SAP130: variants seen among roughly 807,000 people sequenced by gnomAD.
SAP130 encodes the protein histone deacetylase complex subunit SAP130.
SAP130 carries 16 observed loss-of-function variants against 103.2 expected under a neutral mutation model. The observed-to-expected ratio is 0.16, with a 90% CI of 0.10 to 0.24. SAP130 has a LOEUF of 0.24. Among genes scored for constraint, SAP130 ranks in the 10% least tolerant of loss-of-function variants. SAP130 has a pLI of 1.00. For synonymous variants in SAP130, 477 were observed against 497.0 expected (o/e 0.96, Z 0.53); for missense variants, 990 against 1,359.7 (o/e 0.73, Z 4.28).
At chr2:128,018,755 C>T (rs1178957572) in intron 2 of SAP130, among the ~76,000 whole-genome samples, 3 of 151,294 alleles carry the variant, frequency 2.0e-5, no homozygotes, top group African/African-American at 7.3e-5. Flanking sequence ...CATGATTGTG[C>T]CACTGCACTC....
chr2:127,974,531 T>C (rs1236787119), intron 15 of SAP130, among the ~76,000 whole-genome samples: 1 of 152,146 alleles, frequency 6.6e-6, no homozygotes, highest in Admixed American at 6.6e-5. Flanking sequence ...TTATAATTTC[T>C]GGCCGGGCGC....
At chr2:127,997,533 G>T (rs765950472) in intron 10 of SAP130, among the ~76,000 whole-genome samples, 8 of 152,174 alleles carry the variant, frequency 5.3e-5, no homozygotes, top group Non-Finnish European at 1.2e-4. Context: ...AGAAGTTTTC[G>T]CAGGGTGATA....
chr2:127,984,685 G>A (rs1682244367), intron 14 of SAP130, among the ~76,000 whole-genome samples: 1 of 152,168 alleles, frequency 6.6e-6, no homozygotes. Context: ...TCAGCTGAAA[G>A]CAGGGAGTGG....
chr2:127,945,262 C>T (rs1678996617), intron 19 of SAP130, among the ~76,000 whole-genome samples, 194 bp downstream of exon 19: 2 of 152,174 alleles, frequency 1.3e-5, no homozygotes, highest in South Asian at 4.1e-4. Flanking sequence ...GATACCAGAA[C>T]TTAGATATAT....
intron 11 of SAP130, among the ~76,000 whole-genome samples, chr2:127,994,607 A>G (rs993680640): frequency 2.0e-5 from 3 of 151,972 alleles, no homozygotes; most frequent in African/African-American, 7.3e-5. Context: ...AAAATAAAAA[A>G]ACTTCGCCAG....
chr2:127,953,595 A>T lies in SAP130; in HGVS notation c.2422+1391T>A, dbSNP rs1197220229. Among the ~76,000 whole-genome samples the T allele has an allele frequency of 6.6e-6, 1 of 152,094 alleles. No individual in the cohort carries two copies. Among genetic ancestry groups the T allele is most frequent in the Non-Finnish European group, 1.5e-5 (1 of 67,994 alleles). ...GATCCTGCTGCCTGCCACTCCCCTT[A>T]TTACTTAGCTCCAGCGACCTTTGGT... On this transcript the variant is annotated intron_variant, in intron 16 of 20. Coordinates refer to ENST00000643581, the MANE Select transcript of SAP130 (RefSeq NM_001330301.2). The surrounding 1 kb of genome is among the most constrained non-coding windows in gnomAD (Gnocchi z 4.0).
intron 19 of SAP130, among the ~76,000 whole-genome samples, chr2:127,943,760 G>C (rs1427901534): frequency 6.6e-6 from 1 of 152,254 alleles, no homozygotes; most frequent in Non-Finnish European, 1.5e-5. Context: ...GGGAGTGAAT[G>C]TGAAGGTCTA....
At chr2:127,945,582 T>C (rs1679019387) in intron 18 of SAP130, 23 bp from the exon 19 acceptor site, 1 of 1,363,234 alleles carries the variant, frequency 7.3e-7, no homozygotes, top group Non-Finnish European at 1.0e-6. Context: ...AAAATAAAAA[T>C]ACATGTATTT....
intron 10 of SAP130, among the ~76,000 whole-genome samples, chr2:127,997,677 T>C (rs1683265544): frequency 1.3e-5 from 2 of 152,170 alleles, no homozygotes; most frequent in Non-Finnish European, 1.5e-5. Flanking sequence ...CTTGTTTTTT[T>C]CACTGAGCCC....
At chr2:127,992,706 T>C (rs1029608819) in intron 12 of SAP130, among the ~76,000 whole-genome samples, 4 of 152,192 alleles carry the variant, frequency 2.6e-5, no homozygotes, top group African/African-American at 7.2e-5. Context: ...TCACACGTCA[T>C]CATGATGAGA....
intron 4 of SAP130, among the ~76,000 whole-genome samples, chr2:128,015,157 A>G (rs75578481): frequency 1.3e-5 from 2 of 152,318 alleles, no homozygotes; most frequent in East Asian, 1.9e-4. Flanking sequence ...AATTACAGAT[A>G]ATATACTTCG....
chr2:128,012,995 A>T (rs1357253687), intron 6 of SAP130, 35 bp downstream of exon 6: 15 of 1,579,298 alleles, frequency 9.5e-6, no homozygotes, highest in Non-Finnish European at 1.3e-5. Flanking sequence ...AATAACTCCA[A>T]TGAGGCCCTT....
At chr2:127,964,956 G>A (rs1265710519) in intron 15 of SAP130, among the ~76,000 whole-genome samples, 4 of 145,922 alleles carry the variant, frequency 2.7e-5, no homozygotes, top group Admixed American at 7.1e-5. Flanking sequence ...CCGAGAACGC[G>A]CCACTGCGCT....
intron 1 of SAP130, chr2:128,027,165 T>C: frequency 1.6e-6 from 2 of 1,280,790 alleles, no homozygotes; most frequent in South Asian, 2.9e-5. Context: ...AGGGCCCATC[T>C]CGGCGGCGGC....
chr2:127,977,910 A>T, intron 15 of SAP130, 75 bp downstream of exon 15: 1 of 1,089,172 alleles, frequency 9.2e-7, no homozygotes, highest in Admixed American at 2.0e-5. Flanking sequence ...TATGTCATGC[A>T]GGAATATTAG....
chr2:127,945,699 C>CTGAA, intron 18 of SAP130, 140 bp from the exon 19 acceptor site: 1 of 613,736 alleles, frequency 1.6e-6, no homozygotes. Flanking sequence ...GTCACCCAGG[C>CTGAA]TGAAGTGCAG....
chr2:127,958,038 C>T (rs1679966155), intron 15 of SAP130, among the ~76,000 whole-genome samples: 1 of 152,166 alleles, frequency 6.6e-6, no homozygotes, highest in Non-Finnish European at 1.5e-5. Flanking sequence ...ATAAAACCAA[C>T]CAACTGGTAC....
At chr2:127,947,609 G>A (rs1679172513) in intron 18 of SAP130, among the ~76,000 whole-genome samples, 1 of 152,096 alleles carries the variant, frequency 6.6e-6, no homozygotes, top group Non-Finnish European at 1.5e-5. Context: ...ATCATTACCT[G>A]GTCAGCCGAT....
chr2:128,027,406 C>A, intron 1 of SAP130: 1 of 1,131,492 alleles, frequency 8.8e-7, no homozygotes, highest in African/African-American at 1.6e-5. Context: ...GCCCGCCCCA[C>A]CCTCCCGCCG....
Sources: allele counts gnomAD v4.1 joint callset (sites outside exome capture counted in the v4.1 genomes callset), GRCh38; gene constraint gnomAD v4.1.1; non-coding constraint Gnocchi (gnomAD v3.1); transcripts MANE v1.5; gene names NCBI Gene and HGNC (gene_info 2026-07-23, HGNC 2026-07-21).